Variants in NAV3 observed in about 807,000 individuals in gnomAD.
NAV3 encodes the protein neuron navigator 3, also known as pore membrane and/or filament interacting like protein 1.
NAV3 carries 87 observed loss-of-function variants against 244.7 expected under a neutral mutation model. That is an observed-to-expected ratio of 0.36 (90% CI 0.30 to 0.42). NAV3 has a LOEUF of 0.42. NAV3 is among the 20% of genes least tolerant of loss of function. NAV3 has a pLI of 1.00. For missense variants in NAV3, 2,663 were observed against 2,893.3 expected (o/e 0.92, Z 1.83); for synonymous variants, 1,126 against 1,042.2 (o/e 1.08, Z -1.55).
chr12:77,895,960 A>T (rs1177628612), intron 1 of NAV3, among the ~76,000 whole-genome samples: 2 of 51,338 alleles, frequency 3.9e-5, no homozygotes, highest in Admixed American at 4.1e-4. Flanking sequence ...TCCAGTAAAA[A>T]AAAAAAAAAA....
At chr12:77,685,828 A>G (rs1339818340) in intron 2 of NAV3, among the ~76,000 whole-genome samples, 1 of 152,252 alleles carries the variant, frequency 6.6e-6, no homozygotes, top group Non-Finnish European at 1.5e-5. Context: ...ATTTATAAAT[A>G]GAAAAATTTA....
At chr12:78,015,134 A>G (rs1448933719) in intron 8 of NAV3, among the ~76,000 whole-genome samples, 1 of 151,976 alleles carries the variant, frequency 6.6e-6, no homozygotes, top group Non-Finnish European at 1.5e-5. Context: ...AAGATTGCCT[A>G]ACCAAACCAT....
chr12:77,620,608 C>G (rs1046608003), intron 2 of NAV3, among the ~76,000 whole-genome samples: 7 of 152,008 alleles, frequency 4.6e-5, no homozygotes, highest in East Asian at 1.9e-4. Flanking sequence ...ATTACAGGAG[C>G]ATGCCAACAT....
At chr12:78,041,242 G>A (rs368076972) in intron 9 of NAV3, among the ~76,000 whole-genome samples, 105 of 152,210 alleles carry the variant, frequency 6.9e-4, no homozygotes, top group African/African-American at 2.3e-3. Context: ...TTTACTTCAG[G>A]AAAGTTTCTT....
At chr12:77,959,496 AT>A (rs1440058132) in intron 3 of NAV3, among the ~76,000 whole-genome samples, 1 of 152,006 alleles carries the variant, frequency 6.6e-6, no homozygotes, top group Non-Finnish European at 1.5e-5. Context: ...AACAAAAGGT[AT>A]TTTTTGTTGT....
At chr12:77,685,348 A>G (rs549872448) in intron 2 of NAV3, among the ~76,000 whole-genome samples, 39 of 152,244 alleles carry the variant, frequency 2.6e-4, no homozygotes, top group African/African-American at 9.1e-4. Flanking sequence ...CTGCTGATCG[A>G]CATTTCCAAT....
intron 2 of NAV3, among the ~76,000 whole-genome samples, chr12:77,584,340 T>C (rs1869501840): frequency 6.6e-6 from 1 of 152,156 alleles, no homozygotes; most frequent in African/African-American, 2.4e-5. Flanking sequence ...ACAAATTGGG[T>C]TGTGATTTTT....
chr12:77,796,785 A>G (rs776118069), intron 2 of NAV3, among the ~76,000 whole-genome samples: 50 of 152,306 alleles, frequency 3.3e-4, no homozygotes, highest in Non-Finnish European at 6.0e-4. Flanking sequence ...AAAAGATTAG[A>G]ACTTGCTGAA....
At chr12:77,810,823 TG>T (rs767208530) in intron 2 of NAV3, among the ~76,000 whole-genome samples, 1 of 152,184 alleles carries the variant, frequency 6.6e-6, no homozygotes, top group Non-Finnish European at 1.5e-5. Flanking sequence ...CAAATTAAGT[TG>T]GTTTCTTAAG....
intron 1 of NAV3, among the ~76,000 whole-genome samples, chr12:77,838,858 T>C (rs905996992): frequency 3.3e-5 from 5 of 152,350 alleles, no homozygotes; most frequent in African/African-American, 1.2e-4. Flanking sequence ...CTTCAATCTC[T>C]GTATTTGTTA....
At chr12:77,920,290 A>G (rs1317258679) in intron 1 of NAV3, among the ~76,000 whole-genome samples, 3 of 152,066 alleles carry the variant, frequency 2.0e-5, no homozygotes. Flanking sequence ...TTGAATAAAG[A>G]ATACCATGCT....
At chr12:77,959,801 C>A (rs557602624) in intron 3 of NAV3, among the ~76,000 whole-genome samples, 2 of 150,046 alleles carry the variant, frequency 1.3e-5, no homozygotes, top group South Asian at 4.2e-4. Context: ...ACTTGACTAA[C>A]CCCTTGGCAC....
intron 24 of NAV3, among the ~76,000 whole-genome samples, chr12:78,170,241 GCT>G (rs1957947454): frequency 6.6e-6 from 1 of 151,644 alleles, no homozygotes; most frequent in Non-Finnish European, 1.5e-5. Flanking sequence ...CTCCTTCAGT[GCT>G]CTTTGCCTCA....
intron 1 of NAV3, among the ~76,000 whole-genome samples, chr12:77,907,941 A>G (rs1020666495): frequency 6.6e-5 from 10 of 152,096 alleles, no homozygotes; most frequent in Non-Finnish European, 1.2e-4. Context: ...TTTCTTTCTC[A>G]GAGTAAATGG....
chr12:78,193,716 A>T (rs1370251363), intron 34 of NAV3, among the ~76,000 whole-genome samples: 1 of 152,142 alleles, frequency 6.6e-6, no homozygotes, highest in Non-Finnish European at 1.5e-5. Context: ...ATAGGAAAAA[A>T]GTTTATTTAT....
At chr12:78,015,653 A>G (rs1389922388) in intron 8 of NAV3, among the ~76,000 whole-genome samples, 1 of 151,944 alleles carries the variant, frequency 6.6e-6, no homozygotes, top group African/African-American at 2.4e-5. Flanking sequence ...ATTCTAAGTG[A>G]ATTTGTCTCC....
chr12:78,033,987 G>T (rs900655398), intron 9 of NAV3, among the ~76,000 whole-genome samples: 3 of 152,174 alleles, frequency 2.0e-5, no homozygotes, highest in Non-Finnish European at 2.9e-5. Flanking sequence ...TTAGAATAAA[G>T]AATACCTGAG....
At chr12:77,686,048 G>A (rs1874727132) in intron 2 of NAV3, among the ~76,000 whole-genome samples, 1 of 152,146 alleles carries the variant, frequency 6.6e-6, no homozygotes, top group African/African-American at 2.4e-5. Context: ...TCTAGATGTG[G>A]AATTCCTCCT....
chr12:78,153,094 T>C (rs1957138673), intron 22 of NAV3, among the ~76,000 whole-genome samples: 1 of 152,108 alleles, frequency 6.6e-6, no homozygotes, highest in Non-Finnish European at 1.5e-5. Flanking sequence ...TTAATTGGTA[T>C]ATCGCATATT....
Sources: gnomAD v4.1 joint callset for allele counts (sites outside exome capture counted in the v4.1 genomes callset) on GRCh38, gnomAD v4.1.1 for gene constraint, MANE v1.5 for transcripts, NCBI Gene and HGNC (gene_info 2026-07-23, HGNC 2026-07-21) for gene names.